Variants in RIMS2 observed in about 807,000 individuals in gnomAD.
RIMS2 encodes the protein regulating synaptic membrane exocytosis protein 2.
A neutral mutation model predicts 174.4 loss-of-function variants in RIMS2; 59 were observed. The observed-to-expected ratio is 0.34, with a 90% CI of 0.27 to 0.42. RIMS2 has a LOEUF of 0.42. Ranked by LOEUF, RIMS2 falls within the 10% of genes least tolerant of loss-of-function variation. RIMS2 has a pLI of 1.00. For synonymous variants in RIMS2, 606 were observed against 572.5 expected (o/e 1.06, Z -0.84); for missense variants, 1,620 against 1,666.3 (o/e 0.97, Z 0.48).
At chr8:103,781,416 C>T (rs1471073779) in intron 3 of RIMS2, among the ~76,000 whole-genome samples, 1 of 151,910 alleles carries the variant, frequency 6.6e-6, no homozygotes, top group Non-Finnish European at 1.5e-5. Flanking sequence ...CAGCTTGGTT[C>T]TTTGTCATTT....
chr8:103,910,289 ATCTT>A (rs1229583493), intron 5 of RIMS2, 28 bp from the exon 8 acceptor site: 1 of 1,328,092 alleles, frequency 7.5e-7, no homozygotes, highest in Non-Finnish European at 1.0e-6. Flanking sequence ...TCTTTTTTGT[ATCTT>A]TTTTTTTTTT....
At chr8:104,101,905 TTGTC>T (rs2097910730) in intron 19 of RIMS2, among the ~76,000 whole-genome samples, 1 of 152,154 alleles carries the variant, frequency 6.6e-6, no homozygotes, top group Non-Finnish European at 1.5e-5. Context: ...GCTTTTATGA[TTGTC>T]TGTTAGTTCT....
At chr8:103,586,859 A>C (rs758079608) in intron 1 of RIMS2, among the ~76,000 whole-genome samples, 8 of 152,052 alleles carry the variant, frequency 5.3e-5, no homozygotes, top group Admixed American at 2.0e-4. Context: ...GAGAAAAAAA[A>C]CCCAGAAGAT....
chr8:103,847,726 A>G (rs2154491410), intron 3 of RIMS2, among the ~76,000 whole-genome samples: 1 of 152,164 alleles, frequency 6.6e-6, no homozygotes, highest in South Asian at 2.1e-4. Context: ...GTCTCCTTGA[A>G]GGGTGGAATC....
chr8:104,213,426 A>G (rs1348713995), intron 19 of RIMS2, among the ~76,000 whole-genome samples: 1 of 152,158 alleles, frequency 6.6e-6, no homozygotes, highest in East Asian at 1.9e-4. Flanking sequence ...ATTATGAGTT[A>G]ATTTTTGTGA....
intron 19 of RIMS2, among the ~76,000 whole-genome samples, chr8:104,183,567 G>A (rs1402344065): frequency 6.6e-6 from 1 of 151,304 alleles, no homozygotes; most frequent in Non-Finnish European, 1.5e-5. Flanking sequence ...CCATGGGGGG[G>A]AAAATGAGCA....
chr8:103,726,520 A>C (rs1237587696), intron 2 of RIMS2, among the ~76,000 whole-genome samples: 2 of 151,738 alleles, frequency 1.3e-5, no homozygotes, highest in African/African-American at 4.8e-5. Context: ...TCTTTATTTT[A>C]GAATCAATTT....
intron 8 of RIMS2, among the ~76,000 whole-genome samples, chr8:103,917,855 T>C (rs1280673648): frequency 6.6e-6 from 1 of 151,856 alleles, no homozygotes; most frequent in African/African-American, 2.4e-5. Context: ...CTGCTAAAAA[T>C]ACAAAAATTA....
At chr8:103,553,765 C>G (rs1849132165) in intron 1 of RIMS2, among the ~76,000 whole-genome samples, 1 of 151,626 alleles carries the variant, frequency 6.6e-6, no homozygotes. Context: ...AGTAAAAAAA[C>G]AAAGCTGAAG....
intron 1 of RIMS2, among the ~76,000 whole-genome samples, chr8:103,518,630 C>T (rs1451058967): frequency 6.6e-6 from 1 of 151,450 alleles, no homozygotes; most frequent in African/African-American, 2.4e-5. Context: ...TTTAGAATCA[C>T]CTATGGTTAT....
chr8:104,179,440 A>G (rs2098927352), intron 19 of RIMS2, among the ~76,000 whole-genome samples: 1 of 151,942 alleles, frequency 6.6e-6, no homozygotes, highest in Non-Finnish European at 1.5e-5. Context: ...ATATGACTTC[A>G]TTGTTCTGAC....
chr8:103,660,582 C>T (rs1027724140), intron 1 of RIMS2, among the ~76,000 whole-genome samples: 3 of 148,140 alleles, frequency 2.0e-5, no homozygotes, highest in African/African-American at 7.8e-5. Flanking sequence ...CATGCTGCTT[C>T]GTGGATAAAA....
At chr8:104,136,887 C>G (rs1276315593) in intron 19 of RIMS2, among the ~76,000 whole-genome samples, 1 of 152,102 alleles carries the variant, frequency 6.6e-6, no homozygotes, top group East Asian at 1.9e-4. Context: ...ATCTGTGCAA[C>G]AAACCCCTGT....
chr8:104,183,014 A>C (rs1200386816), intron 19 of RIMS2, among the ~76,000 whole-genome samples: 1 of 151,784 alleles, frequency 6.6e-6, no homozygotes, highest in Non-Finnish European at 1.5e-5. Context: ...AAAGAAATAA[A>C]TGAGCCATTG....
At chr8:104,041,502 G>A (rs2096608210) in intron 19 of RIMS2, 144 bp downstream of exon 22, 1 of 494,544 alleles carries the variant, frequency 2.0e-6, no homozygotes, top group Admixed American at 3.3e-5. Context: ...TTTAATTTAG[G>A]TATTTGTGTA....
At chr8:103,814,712 C>T (rs2098708345) in intron 3 of RIMS2, among the ~76,000 whole-genome samples, 2 of 151,990 alleles carry the variant, frequency 1.3e-5, no homozygotes, top group East Asian at 1.9e-4. Flanking sequence ...CCCTCCATCT[C>T]TACAAGAAAA....
chr8:103,678,748 A>G (rs1388679194), intron 1 of RIMS2, among the ~76,000 whole-genome samples: 1 of 152,164 alleles, frequency 6.6e-6, no homozygotes, highest in Non-Finnish European at 1.5e-5. Flanking sequence ...TTTTAAATGC[A>G]TAAAAGATAA....
intron 1 of RIMS2, among the ~76,000 whole-genome samples, chr8:103,617,245 C>T (rs1238892516): frequency 6.6e-6 from 1 of 151,910 alleles, no homozygotes. Flanking sequence ...TTCAACAAAA[C>T]TGACAAAAAT....
At chr8:103,963,649 C>A (rs2090925414) in intron 15 of RIMS2, among the ~76,000 whole-genome samples, 1 of 152,106 alleles carries the variant, frequency 6.6e-6, no homozygotes, top group South Asian at 2.1e-4. Context: ...CCATTATCAA[C>A]CTCCTCCACC....
Sources: allele counts gnomAD v4.1 joint callset (sites outside exome capture counted in the v4.1 genomes callset), GRCh38; gene constraint gnomAD v4.1.1; transcripts MANE v1.5; gene names NCBI Gene and HGNC (gene_info 2026-07-23, HGNC 2026-07-21).